Variants in TKTL1 observed in about 807,000 individuals in gnomAD.
The protein encoded by TKTL1 is transketolase like 1, also known as transketolase-like protein 1.
In TKTL1, 1 loss-of-function variant was observed where a neutral mutation model predicts 39.3. The ratio of observed to expected loss-of-function variants is 0.03; its 90% CI spans 0.01 to 0.12. The LOEUF (loss-of-function observed/expected upper bound fraction) is 0.12. Ranked by LOEUF, TKTL1 falls within the 10% of genes least tolerant of loss-of-function variation. TKTL1 has a pLI of 1.00. For missense variants in TKTL1, 575 were observed against 509.6 expected (o/e 1.13, Z -1.24); for synonymous variants, 262 against 193.8 (o/e 1.35, Z -2.92).
At position 154,311,162 on chromosome X, in the gene TKTL1, A is replaced by G; in HGVS notation, c.594A>G (p.Val198=). The G allele has an allele frequency of 8.3e-7, 1 of 1,211,719 alleles. No homozygotes were observed. Among genetic ancestry groups the G allele is most frequent in the Non-Finnish European group, 1.1e-6 (1 of 895,339 alleles). Residue 198 remains valine, a synonymous_variant, in exon 5 of 13, where the codon GTA becomes GTG. Coordinates refer to ENST00000369915, the MANE Select transcript of TKTL1 (RefSeq NM_012253.4). ...DGRDVEALCQ[V]FWQASQVKHK... is the part of the protein sequence containing the mutation. ...GGGACGTGGAGGCACTGTGCCAGGT[A>G]TTCTGGCAGGCTTCTCAGGTGAAGC...
At chrX:154,327,803 C>G in intron 11 of TKTL1, 36 bp from the exon 12 acceptor site, 1 of 1,210,350 alleles carries the variant, frequency 8.3e-7, no homozygotes, top group Non-Finnish European at 1.1e-6. Flanking sequence ...TTCTGAGTCT[C>G]TTTCTTGTAC....
intron 1 of TKTL1, among the ~76,000 whole-genome samples, chrX:154,303,150 T>C (rs1226511861): frequency 9.1e-6 from 1 of 109,529 alleles, no homozygotes; most frequent in Non-Finnish European, 1.9e-5. Flanking sequence ...TATTAGACCC[T>C]ACCTCTCATT....
chrX:154,325,867 C>G (rs1316559305), intron 10 of TKTL1, among the ~76,000 whole-genome samples: 1 of 111,548 alleles, frequency 9.0e-6, no homozygotes, highest in Non-Finnish European at 1.9e-5. Context: ...CACCTGTGGT[C>G]TCAGCTACTC....
At chrX:154,298,111 A>G (rs1425728112) in intron 1 of TKTL1, among the ~76,000 whole-genome samples, 1 of 110,925 alleles carries the variant, frequency 9.0e-6, no homozygotes, top group Admixed American at 9.6e-5. Context: ...GAATTTATCC[A>G]TTTCTTGTAG....
At chrX:154,320,664 G>A in intron 7 of TKTL1, 93 bp from the exon 8 acceptor site, 1 of 907,310 alleles carries the variant, frequency 1.1e-6, no homozygotes, top group Non-Finnish European at 1.6e-6. Context: ...CAGTTCAGCA[G>A]GTGCAGAATG....
At chrX:154,313,967 A>G (rs2067377432) in intron 6 of TKTL1, among the ~76,000 whole-genome samples, 1 of 110,330 alleles carries the variant, frequency 9.1e-6, no homozygotes, top group African/African-American at 3.3e-5. Context: ...AAACTATATA[A>G]CTCCATAGTT....
At chrX:154,318,963 TTATAA>T (rs1287955082) in intron 7 of TKTL1, among the ~76,000 whole-genome samples, 75 of 111,840 alleles carry the variant, frequency 6.7e-4, no homozygotes, top group East Asian at 2.2e-3. Context: ...TTTTAAAAAA[TTATAA>T]TATAGGCTTC....
At chrX:154,319,904 C>T (rs188277554) in intron 7 of TKTL1, among the ~76,000 whole-genome samples, 64 of 112,051 alleles carry the variant, frequency 5.7e-4, no homozygotes, top group African/African-American at 2.0e-3. Flanking sequence ...AGTTTGAAGC[C>T]TTCTGGGGTA....
intron 12 of TKTL1, among the ~76,000 whole-genome samples, chrX:154,328,906 C>T (rs1227464834): frequency 1.8e-5 from 2 of 112,065 alleles, no homozygotes; most frequent in Non-Finnish European, 3.8e-5. Context: ...AAGTCCTGCC[C>T]CAGCCTCCCC....
At chrX:154,323,467 C>T (rs2067468462) in intron 9 of TKTL1, 130 bp downstream of exon 9, 5 of 799,077 alleles carry the variant, frequency 6.3e-6, no homozygotes, top group South Asian at 2.7e-5. Flanking sequence ...TGATAGAATT[C>T]TTTACAAAAA....
At position 154,325,427 on chromosome X, in the gene TKTL1, G is replaced by A. The variant is rs782223498; in HGVS notation, c.1401+5G>A. 1 of 1,194,346 alleles carries A rather than the reference G, an allele frequency of 8.4e-7. No homozygotes were observed. The highest frequency in any genetic ancestry group is 1.1e-6 in the Non-Finnish European group (1 of 879,722). ...TTTGAGATCGGACAGGCCAAGGTAA[G>A]GGCTTACGCGCTCCTGCGTTATTCA... On this transcript the variant is annotated splice_donor_5th_base_variant and intron_variant, in intron 10 of 12. Transcript: ENST00000369915.
chrX:154,323,690 G>A (rs2067470528), intron 9 of TKTL1, among the ~76,000 whole-genome samples: 1 of 112,243 alleles, frequency 8.9e-6, no homozygotes. Context: ...TATAGTGTTA[G>A]TCTCCAGTGG....
intron 2 of TKTL1, among the ~76,000 whole-genome samples, chrX:154,306,759 C>T (rs782061951): frequency 3.6e-5 from 4 of 109,728 alleles, no homozygotes; most frequent in Non-Finnish European, 5.7e-5. Flanking sequence ...ATTTCAGCCT[C>T]TTGAGTAGAT....
At chrX:154,323,361 TCAGA>T in intron 9 of TKTL1, 24 bp downstream of exon 9, 1 of 1,209,064 alleles carries the variant, frequency 8.3e-7, no homozygotes, top group Non-Finnish European at 1.1e-6. Flanking sequence ...GACACTAGTT[TCAGA>T]CAGAAAATGC....
At chrX:154,311,071 C>T (rs2148805991) in intron 4 of TKTL1, 40 bp from the exon 5 acceptor site, 6 of 1,210,890 alleles carry the variant, frequency 5.0e-6, no homozygotes, top group South Asian at 1.8e-5. Flanking sequence ...TGTCCTGCCC[C>T]CTTCATCTCT....
chrX:154,319,298 C>T (rs1252236132), intron 7 of TKTL1, among the ~76,000 whole-genome samples: 1 of 112,415 alleles, frequency 8.9e-6, no homozygotes, highest in Admixed American at 9.4e-5. Context: ...TTAAGTTCTT[C>T]ACTTTCTCTC....
rs781801581 is a variant in TKTL1, at chrX:154,300,276, G to T, written c.134+4283G>T. On this transcript the variant is annotated intron_variant, in intron 1 of 12. Coordinates refer to ENST00000369915, the MANE Select transcript of TKTL1 (RefSeq NM_012253.4). The stretch of plus-strand genomic sequence containing the variant: ...TGATCGCCTGCCTTGGCCTCCCAAA[G>T]TGCTGGGATTACAGGCGTGAGCCAC... Among the ~76,000 whole-genome samples the T allele has an allele frequency of 3.7e-3, 418 of 112,601 alleles. 2 individuals carry two copies. Among genetic ancestry groups the T allele is most frequent in the Non-Finnish European group, 4.5e-3 (238 of 53,257 alleles).
chrX:154,298,510 A>C (rs1557165165), intron 1 of TKTL1, among the ~76,000 whole-genome samples: 1 of 112,236 alleles, frequency 8.9e-6, no homozygotes, highest in Non-Finnish European at 1.9e-5. Context: ...TCAAGAGTTC[A>C]GGACAAGCCT....
At chrX:154,314,912 G>A (rs1557169035) in intron 6 of TKTL1, among the ~76,000 whole-genome samples, 1 of 110,718 alleles carries the variant, frequency 9.0e-6, no homozygotes, top group East Asian at 2.8e-4. Context: ...GGAAGTGGGG[G>A]TTGGGGGAGC....
Sources: allele counts gnomAD v4.1 joint callset (sites outside exome capture counted in the v4.1 genomes callset), GRCh38; gene constraint gnomAD v4.1.1; transcripts MANE v1.5; gene names NCBI Gene and HGNC (gene_info 2026-07-23, HGNC 2026-07-21).